The following NNMT variants were observed in gnomAD, a reference collection of about 807,000 sequenced individuals.
The protein encoded by NNMT is nicotinamide N-methyltransferase.
Under a neutral mutation model 11.7 loss-of-function variants are expected in NNMT, and 10 were observed. That is an observed-to-expected ratio of 0.85 (90% CI 0.53 to 1.45). NNMT has a LOEUF of 1.45. Ranked by LOEUF, NNMT falls within the 40% of genes most tolerant of loss-of-function variation. NNMT has a pLI of 0.00. For missense variants in NNMT, 381 were observed against 319.4 expected (o/e 1.19, Z -1.47); for synonymous variants, 143 against 133.8 (o/e 1.07, Z -0.48).
chr11:114,268,718 G>A (rs1028200760), intron 2 of NNMT, among the ~76,000 whole-genome samples: 3 of 141,668 alleles, frequency 2.1e-5, no homozygotes, highest in Non-Finnish European at 3.0e-5. Flanking sequence ...GCAGTGAGCC[G>A]AGATCGCACC....
At chr11:114,265,225 AGGAGTT>A (rs924359291) in intron 2 of NNMT, among the ~76,000 whole-genome samples, 2 of 152,238 alleles carry the variant, frequency 1.3e-5, no homozygotes, top group Non-Finnish European at 2.9e-5. Flanking sequence ...CAAGGATTTT[AGGAGTT>A]GTGCGCCAAG....
intron 2 of NNMT, among the ~76,000 whole-genome samples, chr11:114,309,451 A>C (rs1277694900): frequency 6.6e-6 from 1 of 152,166 alleles, no homozygotes; most frequent in African/African-American, 2.4e-5. Context: ...CAAAGTGGTC[A>C]CCCTGCTACC....
At chr11:114,270,295 C>G (rs1945160171) in intron 2 of NNMT, 1 of 152,116 alleles carries the variant, frequency 6.6e-6, no homozygotes, top group Non-Finnish European at 1.5e-5. Context: ...ATTTTAATAT[C>G]TTCTATATTC....
Position 114,311,930 on chromosome 11 carries a change from G to A in NNMT, c.363-115G>A, listed in dbSNP as rs189178881. ...TTCTTTCTCTCCTTTCCCGATAGAG[G>A]TGGCCCTAAGGACACACATCTGGGA... is the stretch of plus-strand genomic sequence containing the variant. On this transcript the variant is annotated intron_variant, in intron 2 of 2. Coordinates refer to ENST00000299964, the MANE Select transcript of NNMT (RefSeq NM_006169.3). 4.9e-4 allele frequency: 505 copies of A among 1,026,008 alleles called. 1 individual carries two copies. The highest frequency in any genetic ancestry group is 7.2e-4 in the Middle Eastern group (3 of 4,164). 63.6% of individuals were successfully genotyped at this position (1,026,008 alleles called of 1,614,324 possible).
chr11:114,275,439 A>G (rs1945206814), intron 2 of NNMT, among the ~76,000 whole-genome samples: 1 of 152,210 alleles, frequency 6.6e-6, no homozygotes, highest in Non-Finnish European at 1.5e-5. Flanking sequence ...CAGGCAGAGA[A>G]AGAATGGGCT....
At chr11:114,283,389 T>G (rs561708208) in intron 2 of NNMT, among the ~76,000 whole-genome samples, 1 of 152,204 alleles carries the variant, frequency 6.6e-6, no homozygotes, top group Admixed American at 6.5e-5. Flanking sequence ...ATAGTGAAAA[T>G]GATGCAAATA....
intron 2 of NNMT, among the ~76,000 whole-genome samples, 182 bp from the exon 3 acceptor site, chr11:114,311,863 G>T (rs1298988266): frequency 1.3e-5 from 2 of 152,132 alleles, no homozygotes; most frequent in African/African-American, 4.8e-5. Flanking sequence ...ATAGCTCAGG[G>T]TAATATGGTC....
intron 2 of NNMT, among the ~76,000 whole-genome samples, chr11:114,282,659 C>T (rs1230934246): frequency 6.6e-6 from 1 of 152,162 alleles, no homozygotes. Context: ...AGGCTGTGTC[C>T]TCAAAACCCT....
At chr11:114,285,011 A>C (rs184692334) in intron 2 of NNMT, among the ~76,000 whole-genome samples, 10 of 151,082 alleles carry the variant, frequency 6.6e-5, no homozygotes, top group African/African-American at 1.7e-4. Flanking sequence ...GCCCACCTCA[A>C]CCTCCAAAAG....
chr11:114,262,130 A>C (rs949568192), intron 1 of NNMT, among the ~76,000 whole-genome samples: 1 of 152,146 alleles, frequency 6.6e-6, no homozygotes, highest in Non-Finnish European at 1.5e-5. Flanking sequence ...GAAAACCCAT[A>C]ATGGAGGGTC....
intron 2 of NNMT, among the ~76,000 whole-genome samples, chr11:114,306,544 TC>T: frequency 6.6e-6 from 1 of 152,310 alleles, no homozygotes; most frequent in East Asian, 1.9e-4. Context: ...AAGGAAGGGA[TC>T]CAGTTTCAAC....
rs140572642 is a variant in NNMT at position 114,312,765 on chromosome 11, G to T, written c.*288G>T. On this transcript the variant is annotated 3_prime_UTR_variant, in exon 3 of 3. Transcript: ENST00000299964. ...ACTTCCCTAAACATCTAGTTATGGC[G>T]GCTCAAGCCCGTACCTGCCTACAGA... 3 of 386,536 alleles carry T rather than the reference G, an allele frequency of 7.8e-6. No individual in the cohort carries two copies. Among genetic ancestry groups the T allele is most frequent in the African/African-American group, 4.0e-5 (2 of 50,400 alleles). 23.9% of individuals were successfully genotyped at this position (386,536 alleles called of 1,614,324 possible). A position where few individuals can be genotyped will look rare whatever the true frequency, so the allele number is the denominator to read the frequency against.
chr11:114,268,039 C>G (rs1945135391), intron 2 of NNMT, among the ~76,000 whole-genome samples: 1 of 152,182 alleles, frequency 6.6e-6, no homozygotes, highest in Non-Finnish European at 1.5e-5. Context: ...TTATTATTAT[C>G]TATTCAGTTA....
At chr11:114,272,527 T>C (rs1236947804) in intron 2 of NNMT, among the ~76,000 whole-genome samples, 2 of 152,180 alleles carry the variant, frequency 1.3e-5, no homozygotes, top group African/African-American at 4.8e-5. Flanking sequence ...ACTTGATACA[T>C]GGTCCATGGT....
chr11:114,288,685 C>G (rs1016262541), intron 2 of NNMT, among the ~76,000 whole-genome samples: 3 of 152,060 alleles, frequency 2.0e-5, no homozygotes, highest in Admixed American at 2.0e-4. Context: ...CATTTTTGTG[C>G]CTTGATTTTC....
chr11:114,263,720 T>C (rs542056163), intron 2 of NNMT, among the ~76,000 whole-genome samples: 1 of 152,182 alleles, frequency 6.6e-6, no homozygotes, highest in Non-Finnish European at 1.5e-5. Flanking sequence ...AAAAGTGAAG[T>C]GCTAGCCTTA....
chr11:114,303,957 C>T (rs550649510), intron 2 of NNMT, among the ~76,000 whole-genome samples: 1 of 152,188 alleles, frequency 6.6e-6, no homozygotes, highest in South Asian at 2.1e-4. Context: ...ACCTGTATAC[C>T]CCTGACTTAG....
chr11:114,283,385 A>G (rs1364632962), intron 2 of NNMT, among the ~76,000 whole-genome samples: 4 of 152,248 alleles, frequency 2.6e-5, no homozygotes, highest in African/African-American at 9.6e-5. Context: ...ATGCATAGTG[A>G]AAATGATGCA....
intron 2 of NNMT, among the ~76,000 whole-genome samples, chr11:114,304,677 T>A (rs1046649647): frequency 2.6e-5 from 4 of 152,126 alleles, no homozygotes; most frequent in African/African-American, 4.8e-5. Flanking sequence ...TGCATTTAAA[T>A]ACCACTCATT....
Sources: gnomAD v4.1 joint callset for allele counts (sites outside exome capture counted in the v4.1 genomes callset) on GRCh38, gnomAD v4.1.1 for gene constraint, MANE v1.5 for transcripts, NCBI Gene and HGNC (gene_info 2026-07-23, HGNC 2026-07-21) for gene names.